PLD5: variants seen among roughly 807,000 people sequenced by gnomAD.
PLD5 encodes the protein inactive phospholipase D5.
PLD5 carries 36 observed loss-of-function variants against 61.1 expected under a neutral mutation model. That is an observed-to-expected ratio of 0.59 (90% CI 0.45 to 0.78). The LOEUF (loss-of-function observed/expected upper bound fraction) is 0.78, where lower values mean the gene tolerates loss of function less well. Ranked by LOEUF, PLD5 falls within the 30% of genes least tolerant of loss-of-function variation. The probability of loss-of-function intolerance (pLI) is 0.00; values close to 1 mark genes in which losing one functional copy is unlikely to be tolerated. For missense variants in PLD5, 515 were observed against 644.4 expected (o/e 0.80, Z 2.17); for synonymous variants, 243 against 242.8 (o/e 1.00, Z -0.01).
intron 1 of PLD5, among the ~76,000 whole-genome samples, chr1:242,429,524 G>A (rs1025787090): frequency 1.3e-5 from 2 of 152,130 alleles, no homozygotes; most frequent in Non-Finnish European, 2.9e-5. Flanking sequence ...TGGGATTACA[G>A]GCATGAGCCA....
At chr1:242,417,284 C>T (rs1294497253) in intron 1 of PLD5, among the ~76,000 whole-genome samples, 1 of 152,126 alleles carries the variant, frequency 6.6e-6, no homozygotes, top group Non-Finnish European at 1.5e-5. Flanking sequence ...GACACTGGAC[C>T]AAATTGAGGA....
At chr1:242,521,472 A>T (rs1172111357) in intron 1 of PLD5, among the ~76,000 whole-genome samples, 1 of 152,132 alleles carries the variant, frequency 6.6e-6, no homozygotes, top group Non-Finnish European at 1.5e-5. Flanking sequence ...GCCACATTTC[A>T]TTTCAGGGGA....
chr1:242,290,527 C>A (rs879081923), intron 2 of PLD5, among the ~76,000 whole-genome samples: 2 of 151,976 alleles, frequency 1.3e-5, no homozygotes, highest in South Asian at 2.1e-4. Context: ...TTAATTTTGT[C>A]GCATTTGGGA....
intron 5 of PLD5, among the ~76,000 whole-genome samples, chr1:242,155,694 AT>A (rs1243620630): frequency 6.6e-6 from 1 of 152,098 alleles, no homozygotes; most frequent in Non-Finnish European, 1.5e-5. Context: ...TCCTAATTTG[AT>A]TGCAGTGTTG....
chr1:242,207,508 T>G (rs1669396580), intron 5 of PLD5, among the ~76,000 whole-genome samples: 1 of 152,082 alleles, frequency 6.6e-6, no homozygotes, highest in Non-Finnish European at 1.5e-5. Flanking sequence ...GCTTTGCTCC[T>G]GCAAGAAGCT....
At chr1:242,132,477 C>T (rs1269612509) in intron 5 of PLD5, among the ~76,000 whole-genome samples, 1 of 152,066 alleles carries the variant, frequency 6.6e-6, no homozygotes, top group Non-Finnish European at 1.5e-5. Flanking sequence ...CTTTAATTTT[C>T]TTGACAAAGA....
At chr1:242,514,761 A>G (rs762155996) in intron 1 of PLD5, among the ~76,000 whole-genome samples, 3 of 152,154 alleles carry the variant, frequency 2.0e-5, no homozygotes, top group Non-Finnish European at 4.4e-5. Context: ...CAATGGGATA[A>G]CAGGGAAGGT....
upstream of PLD5, among the ~76,000 whole-genome samples, chr1:242,526,505 G>T (rs1001255046): frequency 6.6e-5 from 10 of 152,130 alleles, no homozygotes; most frequent in African/African-American, 2.4e-4. Flanking sequence ...GCGCCATCTC[G>T]GCTCGCTGCA....
At chr1:242,314,387 G>C (rs536491564) in intron 2 of PLD5, among the ~76,000 whole-genome samples, 12 of 152,188 alleles carry the variant, frequency 7.9e-5, no homozygotes, top group Non-Finnish European at 1.6e-4. Context: ...CCAACATCTT[G>C]TGTAAGAATG....
chr1:242,171,725 A>AC (rs2148877923), intron 5 of PLD5, among the ~76,000 whole-genome samples: 1 of 152,074 alleles, frequency 6.6e-6, no homozygotes, highest in South Asian at 2.1e-4. Flanking sequence ...AAGAAAAAAA[A>AC]AAAGAGCAGG....
intron 4 of PLD5, among the ~76,000 whole-genome samples, chr1:242,264,587 T>A (rs1177793867): frequency 6.6e-6 from 1 of 152,136 alleles, no homozygotes; most frequent in Non-Finnish European, 1.5e-5. Context: ...TGTAACGCCA[T>A]CAGGTGGAAC....
intron 1 of PLD5, among the ~76,000 whole-genome samples, chr1:242,457,358 C>T (rs1042585620): frequency 6.6e-6 from 1 of 152,196 alleles, no homozygotes. Flanking sequence ...ACTGGCATTG[C>T]TCACGTTAAA....
intron 2 of PLD5, among the ~76,000 whole-genome samples, chr1:242,319,690 T>G (rs973088968): frequency 6.6e-6 from 1 of 152,228 alleles, no homozygotes; most frequent in African/African-American, 2.4e-5. Context: ...TTCTCAGGTA[T>G]GGGACAAAGG....
chr1:242,109,663 T>A (rs1661329191), intron 7 of PLD5, among the ~76,000 whole-genome samples: 1 of 152,220 alleles, frequency 6.6e-6, no homozygotes, highest in Non-Finnish European at 1.5e-5. Context: ...ATGCTGTCCC[T>A]TCCACTGGGA....
At chr1:242,486,072 G>T (rs1300340913) in intron 1 of PLD5, among the ~76,000 whole-genome samples, 1 of 152,080 alleles carries the variant, frequency 6.6e-6, no homozygotes, top group Admixed American at 6.5e-5. Flanking sequence ...ATTCAAGATG[G>T]ATTAAAGACT....
intron 1 of PLD5, among the ~76,000 whole-genome samples, chr1:242,405,809 T>G (rs1284238200): frequency 6.6e-6 from 1 of 151,988 alleles, no homozygotes; most frequent in Non-Finnish European, 1.5e-5. Flanking sequence ...TCCATGTTGG[T>G]CAAGCTGGGC....
At chr1:242,370,161 T>C (rs1225287728) in intron 1 of PLD5, among the ~76,000 whole-genome samples, 2 of 152,198 alleles carry the variant, frequency 1.3e-5, no homozygotes, top group African/African-American at 2.4e-5. Context: ...TGATAGTCTG[T>C]GACTTGAAGT....
At chr1:242,390,920 C>T (rs767196786) in intron 1 of PLD5, among the ~76,000 whole-genome samples, 7 of 152,128 alleles carry the variant, frequency 4.6e-5, no homozygotes, top group East Asian at 1.9e-4. Flanking sequence ...GGGCCAAGTG[C>T]GGTGGCTCAC....
chr1:242,430,157 A>T (rs551278889), intron 1 of PLD5, among the ~76,000 whole-genome samples: 226 of 151,946 alleles, frequency 1.5e-3, no homozygotes, highest in African/African-American at 5.3e-3. Context: ...AGCACATAGC[A>T]TCTCAGTGTC....
Sources: allele counts gnomAD v4.1 joint callset (sites outside exome capture counted in the v4.1 genomes callset), GRCh38; gene constraint gnomAD v4.1.1; transcripts MANE v1.5; gene names NCBI Gene and HGNC (gene_info 2026-07-23, HGNC 2026-07-21).